The following IQCK variants were observed in gnomAD, a reference collection of about 807,000 sequenced individuals.
IQCK encodes the protein IQ motif containing K.
IQCK carries 29 observed loss-of-function variants against 28.1 expected under a neutral mutation model. The ratio of observed to expected loss-of-function variants is 1.03; its 90% CI spans 0.77 to 1.41. The LOEUF (loss-of-function observed/expected upper bound fraction) is 1.41, where lower values mean the gene tolerates loss of function less well. Ranked by LOEUF, IQCK falls within the 40% of genes most tolerant of loss-of-function variation. The pLI, the probability that IQCK is intolerant of heterozygous loss-of-function variation, is 0.00. For missense variants in IQCK, 359 were observed against 314.7 expected (o/e 1.14, Z -1.07); for synonymous variants, 113 against 115.1 (o/e 0.98, Z 0.12).
At position 19,767,526 on chromosome 16, in the gene IQCK, G is replaced by T. The variant is rs143387974; in HGVS notation, c.605+3414G>T. On this transcript the variant is annotated intron_variant, in intron 6 of 7. Coordinates refer to ENST00000564186, the Ensembl canonical transcript of IQCK. ...GTCCTGCCAGGTGCCTGTGCCTGCC[G>T]TGTGCTCTTCTGCTGGTGTGCTCCT... Among the ~76,000 whole-genome samples the T allele has an allele frequency of 3.0e-4, 45 of 152,172 alleles. No homozygotes were observed. In the East Asian group the frequency reaches 8.5e-3, roughly 29 times the overall value.
At chr16:19,774,982 C>G (rs2055370138) in intron 6 of IQCK, among the ~76,000 whole-genome samples, 1 of 152,060 alleles carries the variant, frequency 6.6e-6, no homozygotes, top group African/African-American at 2.4e-5. Context: ...AATCCCAGCA[C>G]TTTGGGAGGC....
intron 1 of IQCK, among the ~76,000 whole-genome samples, chr16:19,725,192 T>A (rs1017508051): frequency 9.2e-5 from 14 of 152,186 alleles, no homozygotes; most frequent in African/African-American, 1.7e-4. Flanking sequence ...ATACCTGATT[T>A]AAAAAAATTT....
At chr16:19,770,905 G>C (rs2151717684) in intron 6 of IQCK, among the ~76,000 whole-genome samples, 1 of 152,208 alleles carries the variant, frequency 6.6e-6, no homozygotes, top group African/African-American at 2.4e-5. Context: ...TTACAGGCGT[G>C]AGCCATCTCT....
chr16:19,820,166 G>A (rs1177440627), intron 7 of IQCK, among the ~76,000 whole-genome samples: 3 of 151,968 alleles, frequency 2.0e-5, no homozygotes, highest in African/African-American at 7.3e-5. Context: ...CTTAGATTTG[G>A]CAATAATTTT....
intron 4 of IQCK, among the ~76,000 whole-genome samples, chr16:19,745,460 G>A (rs1466845527): frequency 2.6e-5 from 4 of 152,130 alleles, no homozygotes; most frequent in East Asian, 3.9e-4. Flanking sequence ...CGCAGCGGCC[G>A]TAACATCACA....
rs562470295 is a variant in IQCK, at chr16:19,753,247, C to CA, written c.475-10586dup. 5.0e-3 allele frequency among the ~76,000 whole-genome samples: 608 copies of CA among 122,384 alleles called. 5 individuals are homozygous for CA. Among genetic ancestry groups the CA allele is most frequent in the South Asian group, 0.028 (110 of 3,960 alleles). 80.3% of individuals were successfully genotyped at this position (122,384 alleles called of 152,430 possible). A position where few individuals can be genotyped will look rare whatever the true frequency, so the allele number is the denominator to read the frequency against. On this transcript the variant is annotated intron_variant, in intron 4 of 7. Coordinates refer to ENST00000564186, the Ensembl canonical transcript of IQCK. Reference sequence around the variant, plus strand: ...CAACATAGCAAAACCCCTATCTCTACAAAAAAAAAAAAAAATTTTTGAAAA... The same window carrying CA: ...CAACATAGCAAAACCCCTATCTCTACAAAAAAAAAAAAAAAATTTTTGAAAA...
chr16:19,744,180 C>A (rs2054874763), intron 4 of IQCK, among the ~76,000 whole-genome samples: 2 of 152,156 alleles, frequency 1.3e-5, no homozygotes, highest in Non-Finnish European at 2.9e-5. Context: ...TTATATATAT[C>A]ATTTTAAATA....
chr16:19,760,138 A>C (rs1292463780), intron 4 of IQCK, among the ~76,000 whole-genome samples: 1 of 152,184 alleles, frequency 6.6e-6, no homozygotes, highest in African/African-American at 2.4e-5. Flanking sequence ...ATTTTAAAAA[A>C]TATATAATTT....
intron 1 of IQCK, among the ~76,000 whole-genome samples, chr16:19,729,270 G>A (rs536383176): frequency 6.6e-6 from 1 of 152,242 alleles, no homozygotes; most frequent in Admixed American, 6.5e-5. Flanking sequence ...GCCATGCCTG[G>A]CTAATTTTTG....
At chr16:19,815,970 C>G (rs1408901531) in intron 7 of IQCK, among the ~76,000 whole-genome samples, 2 of 152,152 alleles carry the variant, frequency 1.3e-5, no homozygotes, top group Non-Finnish European at 2.9e-5. Flanking sequence ...GTATTAAGAA[C>G]CTTCTATGAG....
At chr16:19,770,430 C>A (rs1276520166) in intron 6 of IQCK, among the ~76,000 whole-genome samples, 2 of 152,118 alleles carry the variant, frequency 1.3e-5, no homozygotes, top group Non-Finnish European at 2.9e-5. Flanking sequence ...TTGGATTTCA[C>A]TGGGGTGAAA....
chr16:19,765,221 CAAAAAAAAAAA>C (rs756571642), intron 6 of IQCK, among the ~76,000 whole-genome samples: 3 of 62,958 alleles, frequency 4.8e-5, no homozygotes, highest in African/African-American at 1.7e-4. Context: ...GACTCCATCT[CAAAAAAAAAAA>C]AAAAAAAAAA....
intron 4 of IQCK, among the ~76,000 whole-genome samples, chr16:19,749,918 G>A (rs1316956704): frequency 6.6e-6 from 1 of 152,118 alleles, no homozygotes; most frequent in Non-Finnish European, 1.5e-5. Context: ...TGTGTGGGAG[G>A]CACTACAGTG....
At chr16:19,782,877 A>G (rs1010045968) in intron 6 of IQCK, among the ~76,000 whole-genome samples, 23 of 152,246 alleles carry the variant, frequency 1.5e-4, no homozygotes, top group Admixed American at 3.3e-4. Context: ...CATCTAAAAA[A>G]GAGAAAAGAA....
At chr16:19,741,685 T>G (rs1293368468) in intron 4 of IQCK, among the ~76,000 whole-genome samples, 1 of 152,158 alleles carries the variant, frequency 6.6e-6, no homozygotes, top group Non-Finnish European at 1.5e-5. Context: ...AAATGTGGGT[T>G]GTTAAAACTG....
chr16:19,738,342 G>A (rs967343786), intron 4 of IQCK, among the ~76,000 whole-genome samples: 2 of 152,208 alleles, frequency 1.3e-5, no homozygotes, highest in African/African-American at 4.8e-5. Flanking sequence ...GAGGAAAGAA[G>A]ATATGCTTCT....
At chr16:19,739,568 A>C (rs1375147953) in intron 4 of IQCK, among the ~76,000 whole-genome samples, 1 of 152,176 alleles carries the variant, frequency 6.6e-6, no homozygotes, top group Non-Finnish European at 1.5e-5. Context: ...TAATCCCAGC[A>C]CCTTGGGAGG....
chr16:19,855,699 C>T (rs4782294), intron 9 of IQCK, among the ~76,000 whole-genome samples: 18,450 of 152,186 alleles, frequency 0.12, 1,174 homozygotes, highest in African/African-American at 0.15. Context: ...TCACTTGAAA[C>T]CTCAGCCCTA....
chr16:19,771,974 G>A (rs2151718581), intron 6 of IQCK, among the ~76,000 whole-genome samples: 1 of 152,196 alleles, frequency 6.6e-6, no homozygotes, highest in East Asian at 1.9e-4. Flanking sequence ...CTGAATTTGT[G>A]GTGCATATAA....
Sources: allele counts gnomAD v4.1 joint callset (sites outside exome capture counted in the v4.1 genomes callset), GRCh38; gene constraint gnomAD v4.1.1; transcripts MANE v1.5; gene names NCBI Gene and HGNC (gene_info 2026-07-23, HGNC 2026-07-21).